Variants in NRXN1 observed in about 807,000 individuals in gnomAD.
NRXN1 encodes neurexin-1.
In NRXN1, 39 loss-of-function variants were observed where a neutral mutation model predicts 150.9. The observed-to-expected ratio is 0.26, with a 90% CI of 0.20 to 0.34. The LOEUF (loss-of-function observed/expected upper bound fraction) is 0.34, where lower values mean the gene tolerates loss of function less well. Ranked by LOEUF, NRXN1 falls within the 10% of genes least tolerant of loss-of-function variation. The pLI, the probability that NRXN1 is intolerant of heterozygous loss-of-function variation, is 1.00. For missense variants in NRXN1, 1,815 were observed against 1,949.9 expected (o/e 0.93, Z 1.30); for synonymous variants, 924 against 757.0 (o/e 1.22, Z -3.62).
At chr2:50,838,536 G>A (rs1021714054) in intron 5 of NRXN1, among the ~76,000 whole-genome samples, 6 of 151,990 alleles carry the variant, frequency 3.9e-5, no homozygotes, top group African/African-American at 9.7e-5. Flanking sequence ...TGGAAATAAC[G>A]TCTCTACAAA....
intron 5 of NRXN1, chr2:50,656,307 T>A (rs750326302): frequency 2.7e-6 from 2 of 742,566 alleles, no homozygotes; most frequent in Admixed American, 1.8e-5. Context: ...AAGTTACGTA[T>A]CAATTTTAAA....
chr2:50,572,218 C>T (rs192051277), intron 8 of NRXN1, among the ~76,000 whole-genome samples: 2 of 152,336 alleles, frequency 1.3e-5, no homozygotes, highest in East Asian at 1.9e-4. Context: ...CATGCACATA[C>T]TGTGCCCAAA....
chr2:50,318,056 A>T (rs1452359963), intron 17 of NRXN1, among the ~76,000 whole-genome samples: 1 of 152,106 alleles, frequency 6.6e-6, no homozygotes, highest in Non-Finnish European at 1.5e-5. Context: ...TGAAAATTCC[A>T]GTCACATACT....
chr2:50,738,704 A>G (rs1380969252), intron 5 of NRXN1, among the ~76,000 whole-genome samples: 1 of 152,174 alleles, frequency 6.6e-6, no homozygotes, highest in East Asian at 1.9e-4. Context: ...CAATAACCAC[A>G]TATTAAAAAT....
At chr2:50,291,796 C>T (rs747818682) in intron 17 of NRXN1, among the ~76,000 whole-genome samples, 1 of 152,106 alleles carries the variant, frequency 6.6e-6, no homozygotes, top group Admixed American at 6.6e-5. Context: ...ATTCTAGCAC[C>T]CTGTTTCCTC....
chr2:49,950,280 G>A (rs1311275688), intron 21 of NRXN1, among the ~76,000 whole-genome samples: 7 of 151,910 alleles, frequency 4.6e-5, no homozygotes, highest in Non-Finnish European at 1.0e-4. Context: ...TTTAGAGGCT[G>A]TCTAGATCTT....
chr2:50,812,540 T>C (rs1668360541), intron 5 of NRXN1, among the ~76,000 whole-genome samples: 2 of 152,126 alleles, frequency 1.3e-5, no homozygotes, highest in Admixed American at 6.6e-5. Flanking sequence ...AACATATTGA[T>C]AGATGTGTAT....
chr2:50,632,273 T>C (rs1682471727), intron 5 of NRXN1: 2 of 152,036 alleles, frequency 1.3e-5, no homozygotes, highest in South Asian at 4.1e-4. Flanking sequence ...AAATCTATAA[T>C]TTAATTTATG....
intron 2 of NRXN1, among the ~76,000 whole-genome samples, chr2:50,986,267 C>T (rs1430541296): frequency 6.6e-6 from 1 of 151,584 alleles, no homozygotes; most frequent in Non-Finnish European, 1.5e-5. Flanking sequence ...AGGAGAGACT[C>T]TTGTAACGTA....
At chr2:50,118,942 A>G (rs1249464045) in intron 18 of NRXN1, among the ~76,000 whole-genome samples, 3 of 150,442 alleles carry the variant, frequency 2.0e-5, no homozygotes, top group East Asian at 3.9e-4. Flanking sequence ...AATTCTGTGC[A>G]TCTCAAAAGG....
intron 17 of NRXN1, among the ~76,000 whole-genome samples, chr2:50,399,973 G>T (rs2082295324): frequency 6.6e-6 from 1 of 151,532 alleles, no homozygotes; most frequent in African/African-American, 2.4e-5. Flanking sequence ...GTCCAGGAAA[G>T]AATTGTGGTT....
chr2:50,425,469 C>A (rs567497215), intron 17 of NRXN1, among the ~76,000 whole-genome samples: 1 of 152,270 alleles, frequency 6.6e-6, no homozygotes, highest in East Asian at 1.9e-4. Context: ...GTGTTAATGG[C>A]ATCCTAGTTT....
At chr2:50,830,081 G>A (rs142132564) in intron 5 of NRXN1, among the ~76,000 whole-genome samples, 33 of 140,942 alleles carry the variant, frequency 2.3e-4, no homozygotes, top group South Asian at 6.9e-4. Flanking sequence ...CACACCATCC[G>A]TTTATAGAGT....
At chr2:50,697,566 C>T (rs1693104331) in intron 5 of NRXN1, among the ~76,000 whole-genome samples, 1 of 152,172 alleles carries the variant, frequency 6.6e-6, no homozygotes, top group African/African-American at 2.4e-5. Context: ...GTGGTTTCAT[C>T]CGAACCTAAC....
intron 12 of NRXN1, among the ~76,000 whole-genome samples, chr2:50,520,766 T>G (rs1009231995): frequency 6.6e-6 from 1 of 152,030 alleles, no homozygotes; most frequent in African/African-American, 2.4e-5. Context: ...CAATTTTTAT[T>G]TATTGTACTC....
At chr2:50,689,044 A>C (rs747974067) in intron 5 of NRXN1, among the ~76,000 whole-genome samples, 6 of 152,192 alleles carry the variant, frequency 3.9e-5, no homozygotes, top group Non-Finnish European at 8.8e-5. Flanking sequence ...AATTGGATCT[A>C]AGTTCTGGGA....
chr2:50,707,265 T>C (rs1694567755), intron 5 of NRXN1, among the ~76,000 whole-genome samples: 1 of 152,160 alleles, frequency 6.6e-6, no homozygotes, highest in Admixed American at 6.6e-5. Flanking sequence ...CAAAAGACAT[T>C]CAGGTGCACT....
intron 21 of NRXN1, among the ~76,000 whole-genome samples, chr2:50,018,087 C>A (rs1461711187): frequency 6.6e-6 from 1 of 151,994 alleles, no homozygotes. Flanking sequence ...GGGAGGCATC[C>A]AAGGGACCCT....
At chr2:50,166,264 A>G (rs762566999) in intron 18 of NRXN1, among the ~76,000 whole-genome samples, 1 of 149,540 alleles carries the variant, frequency 6.7e-6, no homozygotes, top group Non-Finnish European at 1.5e-5. Context: ...CATTTTGGAT[A>G]GGAGTACTCA....
Sources: gnomAD v4.1 joint callset for allele counts (sites outside exome capture counted in the v4.1 genomes callset) on GRCh38, gnomAD v4.1.1 for gene constraint, MANE v1.5 for transcripts, NCBI Gene and HGNC (gene_info 2026-07-23, HGNC 2026-07-21) for gene names.